The following CARS1 variants were observed in gnomAD, a reference collection of about 807,000 sequenced individuals.
CARS1 encodes cysteinyl-tRNA synthetase 1.
CARS1 carries 48 observed loss-of-function variants against 106.2 expected under a neutral mutation model. That is an observed-to-expected ratio of 0.45 (90% CI 0.36 to 0.57). The LOEUF (loss-of-function observed/expected upper bound fraction) is 0.57. Among genes scored for constraint, CARS1 ranks in the 20% least tolerant of loss-of-function variants. The pLI, the probability that CARS1 is intolerant of heterozygous loss-of-function variation, is 0.00. For synonymous variants in CARS1, 409 were observed against 403.4 expected (o/e 1.01, Z -0.17); for missense variants, 968 against 1,057.2 (o/e 0.92, Z 1.17).
chr11:3,030,448 A>C lies in CARS1; in HGVS notation c.802-1005T>G, dbSNP rs892062510. On this transcript the variant is annotated intron_variant, in intron 7 of 22. Transcript: ENST00000380525. The surrounding 1 kb of genome is among the most constrained non-coding windows in gnomAD (Gnocchi z 5.7). ...GCGGCAGGGCATCCAGTGGGCAGAC[A>C]AGCACCAAAAGCAGGGTGTGCGCTC... 1.4e-4 allele frequency: 22 copies of C among 152,386 alleles called. No individual in the cohort carries two copies. Among genetic ancestry groups the C allele is most frequent in the African/African-American group, 4.3e-4 (18 of 41,582 alleles). 9.4% of individuals were successfully genotyped at this position (152,386 alleles called of 1,614,324 possible).
At position 3,029,508 on chromosome 11, in the gene CARS1, G is replaced by A. The variant is rs997525535; in HGVS notation, c.802-65C>T. The A allele has an allele frequency of 6.4e-6, 10 of 1,563,530 alleles. No individual in the cohort carries two copies. Among genetic ancestry groups the A allele is most frequent in the Non-Finnish European group, 5.2e-6 (6 of 1,148,398 alleles). The stretch of plus-strand genomic sequence containing the variant: ...ACTTCACATGAGAACATCTCGTGCA[G>A]CTGGTGTGAGCCCATCAGTGCCCTG... On this transcript the variant is annotated intron_variant, in intron 7 of 22. Transcript: ENST00000380525. The surrounding 1 kb of genome is among the most constrained non-coding windows in gnomAD (Gnocchi z 5.9).
rs894468857 is a variant in CARS1, at chr11:3,028,736, T to C, written c.1031+260A>G. Reference sequence around the variant, plus strand: ...ACCATTATGCAGCTCTGGGGCCCCATGACTGATGGTCTTGGCTGCCGAGCT... The same window carrying C: ...ACCATTATGCAGCTCTGGGGCCCCACGACTGATGGTCTTGGCTGCCGAGCT... On this transcript the variant is annotated intron_variant, in intron 9 of 22. Transcript: ENST00000380525. The surrounding 1 kb of genome is among the most constrained non-coding windows in gnomAD (Gnocchi z 4.4). The C allele has an allele frequency of 5.8e-6, 3 of 519,370 alleles. No homozygotes were observed. The highest frequency in any genetic ancestry group is 3.5e-5 in the Admixed American group (1 of 28,722). The allele number at this position is 519,370 out of a possible 1,614,324, so 32.2% of individuals were successfully genotyped here. A position where few individuals can be genotyped will look rare whatever the true frequency, so the allele number is the denominator to read the frequency against.
Position 3,039,848 on chromosome 11 carries a change from T to C in CARS1, c.539A>G (p.Asp180Gly). 1.3e-6 allele frequency: 2 copies of C among 1,527,822 alleles called. No individual in the cohort carries two copies. The highest frequency in any genetic ancestry group is 9.0e-7 in the Non-Finnish European group (1 of 1,117,180). 94.6% of individuals were successfully genotyped at this position (1,527,822 alleles called of 1,614,324 possible). ...FDVFYCMNIT[D>G]IDDKIIKRAR... ...AATTCCCTTTACCTTGTCATCAATA[T>C]CCGTAATGTTCATGCAATAAAAGAC... Residue 180 changes from aspartate (D) to glycine (G), a missense_variant, in exon 5 of 23, where the codon GAT (aspartate) becomes GGT (glycine). Transcript: ENST00000380525. The surrounding 1 kb of genome is among the most constrained non-coding windows in gnomAD (Gnocchi z 5.6).
chr11:3,017,243 T>A lies in CARS1; in HGVS notation c.1780A>T (p.Thr594Ser). The change falls in exon 16 of 23, where the codon ACC becomes TCC. Residue 594 changes from threonine (T) to serine (S), a missense_variant. Physicochemically the swap from Thr to Ser is moderately conservative, Grantham distance 58. Transcript: ENST00000380525. The surrounding 1 kb of genome is among the most constrained non-coding windows in gnomAD (Gnocchi z 4.9). ...IHKALCDNVD[T>S]RTVMEEMRAL... ...CGCATCTCTTCCATGACGGTGCGGG[T>A]GTCAACATTGTCACAGAGGGCTTTG... 2 of 1,614,128 alleles carry A rather than the reference T, an allele frequency of 1.2e-6. No homozygotes were observed. Among genetic ancestry groups the A allele is most frequent in the South Asian group, 2.2e-5 (2 of 91,074 alleles).
intron 21 of CARS1, 127 bp downstream of exon 21, chr11:3,002,414 G>T: frequency 6.6e-7 from 1 of 1,514,302 alleles, no homozygotes; most frequent in South Asian, 1.3e-5. Flanking sequence ...GGCAGAAAGC[G>T]GAGCTCCTTC....
In CARS1 at chr11:3,040,656, G is replaced by C. The variant is rs1396043503; in HGVS notation, c.455+240C>G. 2 of 678,522 alleles carry C rather than the reference G, an allele frequency of 2.9e-6. No individual in the cohort carries two copies. Among genetic ancestry groups the C allele is most frequent in the Non-Finnish European group, 5.4e-6 (2 of 371,924 alleles). The allele number at this position is 678,522 out of a possible 1,614,324, so 42.0% of individuals were successfully genotyped here. ...TCGAGTCCAGCATGTTAGCAGTGGG[G>C]CTATGGACATTTTCTTTTTGGTGAT... On this transcript the variant is annotated intron_variant, in intron 4 of 22. Transcript: ENST00000380525. This position sits in a 1 kb window ranked among gnomAD's most constrained non-coding sequence, Gnocchi z 5.8.
At position 3,048,134 on chromosome 11, in the gene CARS1, C is replaced by T; in HGVS notation, c.26-133G>A. On this transcript the variant is annotated intron_variant, in intron 1 of 22. Coordinates refer to ENST00000380525, the MANE Select transcript of CARS1 (RefSeq NM_001014437.3). This position sits in a 1 kb window ranked among gnomAD's most constrained non-coding sequence, Gnocchi z 5.1. ...AAGCCCTTCCCTGGACGCCAAACATCCAGAACAGGCAAAGGCACAGGGGCA... is the reference window on the plus strand; with the variant it reads ...AAGCCCTTCCCTGGACGCCAAACATTCAGAACAGGCAAAGGCACAGGGGCA... The T allele has an allele frequency of 9.0e-7, 1 of 1,108,876 alleles. No homozygotes were observed. The allele number at this position is 1,108,876 out of a possible 1,614,324, so 68.7% of individuals were successfully genotyped here.
At chr11:3,016,908 C>A (rs1385154829) in intron 16 of CARS1, among the ~76,000 whole-genome samples, 198 bp downstream of exon 16, 1 of 152,196 alleles carries the variant, frequency 6.6e-6, no homozygotes, top group Non-Finnish European at 1.5e-5. Context: ...CACTGTGCTC[C>A]GCTTATGGGT....
intron 14 of CARS1, 113 bp from the exon 15 acceptor site, chr11:3,018,067 G>A: frequency 1.4e-6 from 1 of 690,556 alleles, no homozygotes; most frequent in Non-Finnish European, 2.5e-6. Context: ...TGAAAGACCA[G>A]AATTACACAA....
chr11:3,016,607 T>G (rs55876911), intron 16 of CARS1, among the ~76,000 whole-genome samples: 10,996 of 152,112 alleles, frequency 0.072, 469 homozygotes, highest in Middle Eastern at 0.11. Flanking sequence ...GACAACTATA[T>G]GGATGTTACT....
In CARS1 at chr11:3,029,379, A is replaced by G; in HGVS notation, c.866T>C (p.Val289Ala). 1.2e-6 allele frequency: 2 copies of G among 1,614,070 alleles called. No homozygotes were observed. Among genetic ancestry groups the G allele is most frequent in the Non-Finnish European group, 1.7e-6 (2 of 1,179,912 alleles). ...CTTGGAGAAGATGGAATTGTCAGTG[A>G]CATCACAGCCAAGTGTAGAATCCAG... Reference protein sequence around the residue: ...DWLDSTLGCDVTDNSIFSKLP... With the variant: ...DWLDSTLGCDATDNSIFSKLP... The change falls in exon 8 of 23, where the codon GTC becomes GCC. Residue 289 changes from valine (V) to alanine (A), a missense_variant. Coordinates refer to ENST00000380525, the MANE Select transcript of CARS1 (RefSeq NM_001014437.3). This position sits in a 1 kb window ranked among gnomAD's most constrained non-coding sequence, Gnocchi z 5.9.
At chr11:3,005,017 A>C (rs1431620536) in intron 20 of CARS1, among the ~76,000 whole-genome samples, 1 of 151,220 alleles carries the variant, frequency 6.6e-6, no homozygotes, top group Non-Finnish European at 1.5e-5. Context: ...CTGAGGCAGG[A>C]GAATCCCTTG....
At chr11:3,026,408 A>G (rs1852078813) in intron 10 of CARS1, among the ~76,000 whole-genome samples, 1 of 152,230 alleles carries the variant, frequency 6.6e-6, no homozygotes, top group Non-Finnish European at 1.5e-5. Flanking sequence ...TACCCCGATC[A>G]TCACACACGG....
intron 22 of CARS1, among the ~76,000 whole-genome samples, chr11:3,001,703 C>G (rs966651587): frequency 6.6e-6 from 1 of 152,186 alleles, no homozygotes; most frequent in Non-Finnish European, 1.5e-5. Context: ...TGGATCTTGG[C>G]CCGGGGCCAC....
At chr11:3,023,860 C>A (rs908349616) in intron 10 of CARS1, among the ~76,000 whole-genome samples, 6 of 152,114 alleles carry the variant, frequency 3.9e-5, no homozygotes, top group African/African-American at 1.4e-4. Context: ...TTGTTCCTTT[C>A]CCAGCTTTTT....
Position 3,057,302 on chromosome 11 carries a change from G to T in CARS1, c.25+41C>A, listed in dbSNP as rs1856314470. On this transcript the variant is annotated intron_variant, in intron 1 of 22. Transcript: ENST00000380525. ...AGCCGAGCACCCAGCGCCCAGTCAG[G>T]CCCCCAGCCGCCCTCAGCCTGGCCC... The T allele has an allele frequency of 3.8e-6, 6 of 1,582,854 alleles. No individual in the cohort carries two copies. In the Admixed American group the frequency reaches 6.8e-5, roughly 18 times the overall value.
At chr11:3,013,400 C>T (rs1850693084) in intron 17 of CARS1, among the ~76,000 whole-genome samples, 1 of 152,192 alleles carries the variant, frequency 6.6e-6, no homozygotes, top group African/African-American at 2.4e-5. Flanking sequence ...GATTCACCCA[C>T]CTCAGCCTCC....
Position 3,004,575 on chromosome 11 carries a change from C to T in CARS1, c.2217+791G>A, listed in dbSNP as rs1185778235. 6.6e-6 allele frequency among the ~76,000 whole-genome samples: 1 copy of T among 152,216 alleles called. No homozygotes were observed. The highest frequency in any genetic ancestry group is 1.5e-5 in the Non-Finnish European group (1 of 68,036). ...CCTCCCATGGTGTGCACTGGGGGCC[C>T]AGGTGCCTCTCATCCTGCTGCCTGC... On this transcript the variant is annotated intron_variant, in intron 20 of 22. Transcript: ENST00000380525. This position sits in a 1 kb window ranked among gnomAD's most constrained non-coding sequence, Gnocchi z 5.2.
rs1853326645 is a variant in CARS1 at position 3,034,496 on chromosome 11, CAGGCGTGACCCA to C, written c.801+3542_801+3553del. Among the ~76,000 whole-genome samples the C allele has an allele frequency of 2.0e-5, 3 of 152,094 alleles. No homozygotes were observed. Among genetic ancestry groups the C allele is most frequent in the African/African-American group, 7.2e-5 (3 of 41,404 alleles). On this transcript the variant is annotated intron_variant, in intron 7 of 22. Coordinates refer to ENST00000380525, the MANE Select transcript of CARS1 (RefSeq NM_001014437.3). This position sits in a 1 kb window ranked among gnomAD's most constrained non-coding sequence, Gnocchi z 6.3. ...TCAGCCTCCCAAAGTGCTAGGATTA[CAGGCGTGACCCA>C]CTGCGCCTGGCCGGGAATGGGTAAA...
Sources: allele counts gnomAD v4.1 joint callset (sites outside exome capture counted in the v4.1 genomes callset), GRCh38; gene constraint gnomAD v4.1.1; non-coding constraint Gnocchi (gnomAD v3.1); transcripts MANE v1.5; gene names NCBI Gene and HGNC (gene_info 2026-07-23, HGNC 2026-07-21).